The following ABHD6 variants were observed in gnomAD, a reference collection of about 807,000 sequenced individuals.
ABHD6 encodes abhydrolase domain containing 6, acylglycerol lipase.
ABHD6 carries 33 observed loss-of-function variants against 38.8 expected under a neutral mutation model. The ratio of observed to expected loss-of-function variants is 0.85; its 90% confidence interval spans 0.64 to 1.14. The LOEUF (loss-of-function observed/expected upper bound fraction) is 1.14. Among genes scored for constraint, ABHD6 ranks in the 50% most tolerant of loss-of-function variants. ABHD6 has a pLI of 0.00. For synonymous variants in ABHD6, 147 were observed against 161.6 expected, an observed-to-expected ratio of 0.91 and a Z score of 0.69; for missense variants, 380 against 422.6, an observed-to-expected ratio of 0.90 and a Z score of 0.88.
chr3:58,282,258 G>T (rs1559782556), intron 7 of ABHD6, among the ~76,000 whole-genome samples: 1 of 152,194 alleles, frequency 6.6e-6, no homozygotes, highest in Non-Finnish European at 1.5e-5. Context: ...CTGAGAGATT[G>T]TAGGAGAGCA....
chr3:58,272,886 G>A (rs962863441), intron 6 of ABHD6, among the ~76,000 whole-genome samples: 9 of 152,002 alleles, frequency 5.9e-5, no homozygotes, highest in South Asian at 2.1e-4. Flanking sequence ...ATTATAGAGC[G>A]CCCCATATAA....
rs112736269 is a variant in ABHD6 at position 58,256,110 on chromosome 3, T to TACAC, written c.-25-447_-25-444dup. Among the ~76,000 whole-genome samples, 2 of 135,528 alleles carry TACAC rather than the reference T, an allele frequency of 1.5e-5. No individual in the cohort carries two copies. The highest frequency in any genetic ancestry group is 2.5e-5 in the African/African-American group (1 of 40,656). The allele number at this position is 135,528 out of a possible 152,430, so 88.9% of individuals were successfully genotyped here. ...ACACACACACACACACACACACACA[T>TACAC]ACACACACTACTTTTTCTCTCCTGA... On this transcript the variant is annotated intron_variant, in intron 2 of 9. Coordinates refer to ENST00000478253, the MANE Select transcript of ABHD6 (RefSeq NM_001320126.2). This position sits in a 1 kb window ranked among gnomAD's most constrained non-coding sequence, Gnocchi z 4.3.
intron 9 of ABHD6, among the ~76,000 whole-genome samples, chr3:58,288,812 C>G (rs551735766): frequency 2.0e-5 from 3 of 152,180 alleles, no homozygotes; most frequent in Non-Finnish European, 1.5e-5. Flanking sequence ...ATGTGTCATG[C>G]AGGTGCAGGG....
intron 9 of ABHD6, among the ~76,000 whole-genome samples, chr3:58,286,146 A>C (rs1235258969): frequency 1.3e-5 from 2 of 152,076 alleles, no homozygotes; most frequent in African/African-American, 4.8e-5. Flanking sequence ...CAGCCTCTCA[A>C]GTAGCTGGGA....
chr3:58,252,327 C>G (rs748567711), intron 2 of ABHD6, among the ~76,000 whole-genome samples: 11 of 150,026 alleles, frequency 7.3e-5, no homozygotes, highest in Non-Finnish European at 1.2e-4. Flanking sequence ...AATCCTCCCA[C>G]CTGAGTCTCC....
intron 3 of ABHD6, among the ~76,000 whole-genome samples, chr3:58,261,547 G>A (rs1163069104): frequency 2.6e-5 from 4 of 152,018 alleles, no homozygotes; most frequent in East Asian, 1.9e-4. Context: ...TAATTTTTGC[G>A]GTTTTTGTAG....
intron 9 of ABHD6, among the ~76,000 whole-genome samples, chr3:58,289,968 C>G (rs200538145): frequency 1.5e-5 from 2 of 135,220 alleles, no homozygotes; most frequent in Non-Finnish European, 3.2e-5. Context: ...ACCTCCCGGA[C>G]GAGGCGGCTG....
chr3:58,293,887 G>A lies in ABHD6; in HGVS notation c.*122G>A. The A allele has an allele frequency of 8.9e-7, 1 of 1,123,366 alleles. No homozygotes were observed. The highest frequency in any genetic ancestry group is 1.2e-6 in the Non-Finnish European group (1 of 807,054). The allele number at this position is 1,123,366 out of a possible 1,614,324, so 69.6% of individuals were successfully genotyped here. A position where few individuals can be genotyped will look rare whatever the true frequency, so the allele number is the denominator to read the frequency against. ...TCGGAGCGCCAGTGACCCTGAGGAA[G>A]CCCGTCCCTTATCCCTGGTATCCAC... On this transcript the variant is annotated 3_prime_UTR_variant, in exon 10 of 10. Coordinates refer to ENST00000478253, the MANE Select transcript of ABHD6 (RefSeq NM_001320126.2). This position sits in a 1 kb window ranked among gnomAD's most constrained non-coding sequence, Gnocchi z 4.4.
chr3:58,264,280 A>G lies in ABHD6; in HGVS notation c.120-2909A>G, dbSNP rs76711930. ...TTCCTTGAGACAGATTATTCTTGGA[A>G]TTATACTTACTAGGTCAACAAGGGG... On this transcript the variant is annotated intron_variant, in intron 3 of 9. Coordinates refer to ENST00000478253, the MANE Select transcript of ABHD6 (RefSeq NM_001320126.2). Among the ~76,000 whole-genome samples the G allele has an allele frequency of 3.4e-3, 516 of 152,148 alleles. 3 individuals carry two copies. The highest frequency in any genetic ancestry group is 0.012 in the African/African-American group (495 of 41,510).
intron 9 of ABHD6, among the ~76,000 whole-genome samples, chr3:58,286,943 TA>T (rs1286207798): frequency 6.7e-6 from 1 of 148,972 alleles, no homozygotes; most frequent in South Asian, 2.1e-4. Flanking sequence ...CTTCTATTCT[TA>T]AAAAAATTTT....
chr3:58,254,851 TACACACACAC>T (rs58771259), intron 2 of ABHD6, among the ~76,000 whole-genome samples: 26 of 146,930 alleles, frequency 1.8e-4, no homozygotes, highest in African/African-American at 4.5e-4. Context: ...TATATGTGTA[TACACACACAC>T]ACACACACAC....
intron 1 of ABHD6, among the ~76,000 whole-genome samples, chr3:58,243,464 G>A (rs1370322053): frequency 6.6e-6 from 1 of 152,198 alleles, no homozygotes; most frequent in Admixed American, 6.5e-5. Context: ...CTAAGTGAAG[G>A]AGATAACTTC....
chr3:58,275,949 T>C (rs1164115766), intron 7 of ABHD6, among the ~76,000 whole-genome samples: 1 of 152,176 alleles, frequency 6.6e-6, no homozygotes, highest in Non-Finnish European at 1.5e-5. Context: ...CATGAACTCA[T>C]CCTTTTTATG....
intron 7 of ABHD6, among the ~76,000 whole-genome samples, chr3:58,284,203 G>T (rs887767902): frequency 6.6e-5 from 10 of 152,148 alleles, no homozygotes; most frequent in African/African-American, 1.9e-4. Context: ...AGAAGATGTG[G>T]CCTGTCCACA....
chr3:58,258,563 A>G (rs866352927), intron 3 of ABHD6: 14 of 308,730 alleles, frequency 4.5e-5, no homozygotes, highest in Middle Eastern at 8.2e-4. Flanking sequence ...TCCCACCCCC[A>G]TGGTGTACAT....
intron 3 of ABHD6, among the ~76,000 whole-genome samples, chr3:58,264,429 ACACACACACACACACAT>A: frequency 7.2e-6 from 1 of 139,018 alleles, no homozygotes; most frequent in East Asian, 2.0e-4. Context: ...ACACACACAC[ACACACACACACACACAT>A]ATGCCAGGTG....
chr3:58,279,909 A>G (rs971071347), intron 7 of ABHD6, among the ~76,000 whole-genome samples: 1 of 152,160 alleles, frequency 6.6e-6, no homozygotes. Flanking sequence ...AGAATGTTGA[A>G]TATTAGCCCG....
At position 58,256,096 on chromosome 3, in the gene ABHD6, C is replaced by CACACACTCACACAG. The variant is rs1553718608; in HGVS notation, c.-25-460_-25-459insTCACACAGACACAC. ...CCACCAACACACACACACACACACA[C>CACACACTCACACAG]ACACACACACACATACACACACTAC... On this transcript the variant is annotated intron_variant, in intron 2 of 9. Transcript: ENST00000478253. This position sits in a 1 kb window ranked among gnomAD's most constrained non-coding sequence, Gnocchi z 4.3. Among the ~76,000 whole-genome samples the CACACACTCACACAG allele has an allele frequency of 1.4e-5, 2 of 147,438 alleles. No homozygotes were observed. The highest frequency in any genetic ancestry group is 4.9e-5 in the African/African-American group (2 of 40,488).
intron 6 of ABHD6, among the ~76,000 whole-genome samples, chr3:58,272,185 A>G (rs1475418561): frequency 6.6e-6 from 1 of 152,122 alleles, no homozygotes; most frequent in Non-Finnish European, 1.5e-5. Context: ...CATCTCAATG[A>G]CTTTTTACGT....
Sources: gnomAD v4.1 joint callset for allele counts (sites outside exome capture counted in the v4.1 genomes callset) on GRCh38, gnomAD v4.1.1 for gene constraint, Gnocchi (gnomAD v3.1) non-coding constraint, MANE v1.5 for transcripts, NCBI Gene and HGNC (gene_info 2026-07-23, HGNC 2026-07-21) for gene names.